Variants in FGF12 observed in about 807,000 individuals in gnomAD.
FGF12 encodes the protein fibroblast growth factor 12.
Under a neutral mutation model 23.6 loss-of-function variants are expected in FGF12, and 14 were observed. The observed-to-expected ratio is 0.59, with a 90% CI of 0.39 to 0.93. The LOEUF (loss-of-function observed/expected upper bound fraction) is 0.93. Among genes scored for constraint, FGF12 ranks in the 40% least tolerant of loss-of-function variants. The pLI, the probability that FGF12 is intolerant of heterozygous loss-of-function variation, is 0.00. For synonymous variants in FGF12, 62 were observed against 77.3 expected, an observed-to-expected ratio of 0.80 and a Z score of 1.04; for missense variants, 175 against 217.8, an observed-to-expected ratio of 0.80 and a Z score of 1.24.
At chr3:192,591,184 C>A (rs918749974) in intron 2 of FGF12, among the ~76,000 whole-genome samples, 3 of 151,162 alleles carry the variant, frequency 2.0e-5, no homozygotes, top group Admixed American at 6.6e-5. Context: ...ACAGTCGGAC[C>A]AAAGCAGCAG....
intron 2 of FGF12, among the ~76,000 whole-genome samples, chr3:192,685,578 G>A (rs1195238100): frequency 6.6e-6 from 1 of 152,114 alleles, no homozygotes; most frequent in Non-Finnish European, 1.5e-5. Flanking sequence ...TCGTGAGAGA[G>A]TAGTGGGGGC....
chr3:192,322,161 AT>A (rs938818341), intron 4 of FGF12, among the ~76,000 whole-genome samples: 1 of 152,144 alleles, frequency 6.6e-6, no homozygotes, highest in African/African-American at 2.4e-5. Context: ...AATCGGTGGC[AT>A]TCTATATGCC....
intron 4 of FGF12, among the ~76,000 whole-genome samples, chr3:192,233,413 G>C (rs1394697488): frequency 2.0e-5 from 3 of 151,992 alleles, no homozygotes; most frequent in Non-Finnish European, 4.4e-5. Context: ...GGTTTTTCTT[G>C]TTGATTTGTT....
intron 4 of FGF12, among the ~76,000 whole-genome samples, chr3:192,260,496 A>T (rs188664954): frequency 6.6e-6 from 1 of 152,346 alleles, no homozygotes; most frequent in African/African-American, 2.4e-5. Flanking sequence ...TTCACTGTAG[A>T]ATCAACCCAG....
intron 2 of FGF12, among the ~76,000 whole-genome samples, chr3:192,563,622 C>G (rs549535073): frequency 1.3e-5 from 2 of 152,168 alleles, no homozygotes; most frequent in Admixed American, 1.3e-4. Flanking sequence ...TTACATAGTG[C>G]TTTGTCAGCA....
chr3:192,205,302 T>A, intron 4 of FGF12, among the ~76,000 whole-genome samples: 1 of 152,212 alleles, frequency 6.6e-6, no homozygotes, highest in East Asian at 1.9e-4. Flanking sequence ...CTACCCTTTA[T>A]AGCACTTTCT....
chr3:192,228,626 A>G (rs1199225801), intron 4 of FGF12, among the ~76,000 whole-genome samples: 1 of 152,052 alleles, frequency 6.6e-6, no homozygotes, highest in Non-Finnish European at 1.5e-5. Flanking sequence ...GAAATGATGC[A>G]TTTTTACAGT....
intron 4 of FGF12, among the ~76,000 whole-genome samples, chr3:192,294,111 TTC>T (rs1420054317): frequency 6.6e-6 from 1 of 152,178 alleles, no homozygotes; most frequent in Non-Finnish European, 1.5e-5. Context: ...TTTTCTCTCA[TTC>T]TCTCTTTGCC....
intron 4 of FGF12, among the ~76,000 whole-genome samples, chr3:192,275,554 C>T (rs1713729210): frequency 6.6e-6 from 1 of 152,064 alleles, no homozygotes; most frequent in East Asian, 1.9e-4. Flanking sequence ...AGAATTATAT[C>T]TACCTGTTGG....
At chr3:192,653,824 C>T (rs1301159832) in intron 2 of FGF12, among the ~76,000 whole-genome samples, 2 of 151,014 alleles carry the variant, frequency 1.3e-5, no homozygotes, top group Non-Finnish European at 2.9e-5. Context: ...AAGTGATTCT[C>T]CTGCCTCAGC....
intron 4 of FGF12, among the ~76,000 whole-genome samples, chr3:192,276,118 A>G (rs1577310295): frequency 6.6e-6 from 1 of 152,228 alleles, no homozygotes; most frequent in East Asian, 1.9e-4. Flanking sequence ...AAAGAGGCTC[A>G]TATATGCAGT....
intron 4 of FGF12, among the ~76,000 whole-genome samples, chr3:192,279,086 T>C (rs1251035748): frequency 3.3e-5 from 5 of 152,106 alleles, no homozygotes; most frequent in Non-Finnish European, 5.9e-5. Flanking sequence ...GAATAAGTGT[T>C]TTACAACTTG....
chr3:192,387,764 G>T (rs1269961373), intron 2 of FGF12, among the ~76,000 whole-genome samples: 10 of 151,860 alleles, frequency 6.6e-5, no homozygotes, highest in African/African-American at 9.7e-5. Context: ...GTGTGTGCCT[G>T]TGGTCCCAGC....
intron 2 of FGF12, among the ~76,000 whole-genome samples, chr3:192,392,591 C>CGAGAGAGAGA (rs67784749): frequency 9.6e-5 from 4 of 41,866 alleles, no homozygotes; most frequent in African/African-American, 4.7e-4. Flanking sequence ...AGTGAAACTC[C>CGAGAGAGAGA]GAGAGAGAGA....
At chr3:192,576,695 GAAAGAACAACAGTTTAGTCCCA>G (rs1560156263) in intron 2 of FGF12, among the ~76,000 whole-genome samples, 2 of 152,184 alleles carry the variant, frequency 1.3e-5, no homozygotes, top group Admixed American at 6.5e-5. Flanking sequence ...GAAAGGCAGA[GAAAGAACAACAGTTTAGTCCCA>G]AATCTGCTAG....
chr3:192,682,016 A>G (rs6444655), intron 2 of FGF12, among the ~76,000 whole-genome samples: 86,608 of 152,062 alleles, frequency 0.57, 25,480 homozygotes, highest in East Asian at 0.82. Context: ...TAAGACAGTG[A>G]CAGGTAGAAT....
At chr3:192,442,259 C>T (rs185528238) in intron 2 of FGF12, among the ~76,000 whole-genome samples, 12 of 152,296 alleles carry the variant, frequency 7.9e-5, no homozygotes, top group Non-Finnish European at 1.5e-5. Context: ...GATATATATC[C>T]AGTGTTTACT....
At chr3:192,606,278 C>A (rs1287841602) in intron 2 of FGF12, among the ~76,000 whole-genome samples, 1 of 152,054 alleles carries the variant, frequency 6.6e-6, no homozygotes, top group Non-Finnish European at 1.5e-5. Flanking sequence ...GAACAGAAAA[C>A]CAAATACTGC....
At chr3:192,528,373 T>C (rs1019791296) in intron 2 of FGF12, among the ~76,000 whole-genome samples, 3 of 152,174 alleles carry the variant, frequency 2.0e-5, no homozygotes, top group Admixed American at 1.3e-4. Context: ...CAGGTCACAC[T>C]GATGCAAGAG....
Sources: allele counts gnomAD v4.1 joint callset (sites outside exome capture counted in the v4.1 genomes callset), GRCh38; gene constraint gnomAD v4.1.1; transcripts MANE v1.5; gene names NCBI Gene and HGNC (gene_info 2026-07-23, HGNC 2026-07-21).